Variants in NDUFAF6 observed in about 807,000 individuals in gnomAD.
The protein encoded by NDUFAF6 is NADH:ubiquinone oxidoreductase complex assembly factor 6.
A neutral mutation model predicts 40.8 loss-of-function variants in NDUFAF6; 45 were observed. The observed-to-expected ratio is 1.10, with a 90% CI of 0.87 to 1.42. The LOEUF (loss-of-function observed/expected upper bound fraction) is 1.42. Among genes scored for constraint, NDUFAF6 ranks in the 40% most tolerant of loss-of-function variants. The pLI is 0.00. For synonymous variants in NDUFAF6, 185 were observed against 155.9 expected (o/e 1.19, Z -1.39); for missense variants, 435 against 418.5 (o/e 1.04, Z -0.34).
At chr8:94,931,605 C>T (rs199966589) in intron 1 of NDUFAF6, among the ~76,000 whole-genome samples, 33 of 149,066 alleles carry the variant, frequency 2.2e-4, no homozygotes, top group East Asian at 5.8e-4. Flanking sequence ...CACACACACA[C>T]ACACATAAAA....
chr8:94,992,850 T>C (rs539070320), intron 2 of NDUFAF6, among the ~76,000 whole-genome samples: 136 of 152,320 alleles, frequency 8.9e-4, no homozygotes, highest in African/African-American at 3.1e-3. Context: ...CAATATTTGT[T>C]GAATGCCGAT....
At chr8:95,006,892 C>T (rs573657508) in intron 2 of NDUFAF6, among the ~76,000 whole-genome samples, 1 of 151,498 alleles carries the variant, frequency 6.6e-6, no homozygotes, top group Admixed American at 6.6e-5. Context: ...AAAAGAAAAG[C>T]ATACTTTAAA....
At chr8:94,945,736 G>C (rs1193206331) in intron 2 of NDUFAF6, 1 of 152,250 alleles carries the variant, frequency 6.6e-6, no homozygotes, top group African/African-American at 2.4e-5. Context: ...TGTGTCCTAA[G>C]AGGACAAACT....
intron 1 of NDUFAF6, chr8:94,896,382 A>T (rs1296293624): frequency 6.6e-6 from 1 of 151,526 alleles, no homozygotes; most frequent in Non-Finnish European, 1.5e-5. Flanking sequence ...CTCTTCCTTT[A>T]TCCTTCCCCG....
At chr8:95,025,801 C>G (rs773082068) in intron 1 of NDUFAF6, among the ~76,000 whole-genome samples, 2 of 152,108 alleles carry the variant, frequency 1.3e-5, no homozygotes, top group Non-Finnish European at 2.9e-5. Flanking sequence ...AAGTCAGAGC[C>G]CTGAAGTGTT....
chr8:94,918,962 A>G (rs1819318700), intron 1 of NDUFAF6, among the ~76,000 whole-genome samples: 1 of 152,256 alleles, frequency 6.6e-6, no homozygotes, highest in Non-Finnish European at 1.5e-5. Flanking sequence ...ACTTTGGGAC[A>G]CATTCTCTTT....
chr8:94,899,942 A>T (rs964554603), intron 1 of NDUFAF6, among the ~76,000 whole-genome samples: 1 of 152,218 alleles, frequency 6.6e-6, no homozygotes, highest in African/African-American at 2.4e-5. Flanking sequence ...GGAGCTGTCC[A>T]CATCCCCTGT....
chr8:94,941,778 T>A (rs1286945302), intron 1 of NDUFAF6, among the ~76,000 whole-genome samples: 1 of 152,184 alleles, frequency 6.6e-6, no homozygotes, highest in Non-Finnish European at 1.5e-5. Context: ...GTTAGGAAGT[T>A]ATGTGACTTC....
At chr8:95,005,554 A>ATATATATATATATATGTATAT (rs1554657858) in intron 2 of NDUFAF6, among the ~76,000 whole-genome samples, 3 of 115,354 alleles carry the variant, frequency 2.6e-5, no homozygotes, top group African/African-American at 1.1e-4. Context: ...TATATATATA[A>ATATATATATATATATGTATAT]AAAATATATT....
chr8:94,926,279 C>G (rs889524530), intron 1 of NDUFAF6: 7 of 152,042 alleles, frequency 4.6e-5, no homozygotes, highest in African/African-American at 1.7e-4. Flanking sequence ...TTTCAAGTTA[C>G]TGAAAAAAAA....
intron 9 of NDUFAF6, among the ~76,000 whole-genome samples, chr8:95,073,576 C>T (rs1563854134): frequency 6.6e-6 from 1 of 152,192 alleles, no homozygotes; most frequent in Admixed American, 6.5e-5. Flanking sequence ...TTAAACGTCC[C>T]CCTTCCGCAG....
chr8:95,078,273 A>T (rs1191482081), downstream of NDUFAF6, among the ~76,000 whole-genome samples: 1 of 152,084 alleles, frequency 6.6e-6, no homozygotes, highest in African/African-American at 2.4e-5. Context: ...AGTGTGGAGA[A>T]CTTCTGTGGT....
At chr8:95,056,980 T>G (rs1178581963) in intron 8 of NDUFAF6, among the ~76,000 whole-genome samples, 18 of 151,968 alleles carry the variant, frequency 1.2e-4, no homozygotes, top group Non-Finnish European at 7.4e-5. Flanking sequence ...GAAAAAAAAG[T>G]CTGGAAGAAA....
At chr8:95,046,954 C>G in intron 5 of NDUFAF6, 40 bp from the exon 6 acceptor site, 1 of 1,612,834 alleles carries the variant, frequency 6.2e-7, no homozygotes, top group Non-Finnish European at 8.5e-7. Context: ...TTATTATGCA[C>G]TTAGAATAGA....
At chr8:95,026,063 C>T (rs1216526698) in intron 1 of NDUFAF6, among the ~76,000 whole-genome samples, 1 of 152,138 alleles carries the variant, frequency 6.6e-6, no homozygotes, top group Non-Finnish European at 1.5e-5. Flanking sequence ...ACTAAACTAC[C>T]TTGAAGTTGA....
downstream of NDUFAF6, among the ~76,000 whole-genome samples, chr8:95,108,261 C>T (rs2132083997): frequency 6.6e-6 from 1 of 152,214 alleles, no homozygotes; most frequent in East Asian, 1.9e-4. Context: ...ATTTTACACC[C>T]ATGTTCATAG....
chr8:95,041,869 T>G (rs930055488), intron 4 of NDUFAF6, among the ~76,000 whole-genome samples: 1 of 152,172 alleles, frequency 6.6e-6, no homozygotes, highest in African/African-American at 2.4e-5. Flanking sequence ...TTTGGTTTTT[T>G]CAAAAGGAAA....
At chr8:94,927,018 A>T (rs1376741769) in intron 1 of NDUFAF6, 1 of 152,294 alleles carries the variant, frequency 6.6e-6, no homozygotes, top group African/African-American at 2.4e-5. Flanking sequence ...TATAAAATAA[A>T]AAGATAATTT....
At chr8:95,007,076 C>CT (rs1171630240) in intron 2 of NDUFAF6, among the ~76,000 whole-genome samples, 1 of 151,288 alleles carries the variant, frequency 6.6e-6, no homozygotes, top group African/African-American at 2.4e-5. Context: ...TTCCAGGTTT[C>CT]TTATACTATA....
Sources: allele counts gnomAD v4.1 joint callset (sites outside exome capture counted in the v4.1 genomes callset), GRCh38; gene constraint gnomAD v4.1.1; transcripts MANE v1.5; gene names NCBI Gene and HGNC (gene_info 2026-07-23, HGNC 2026-07-21).